UNC5D: variants seen among roughly 807,000 people sequenced by gnomAD.
The protein encoded by UNC5D is unc-5 netrin receptor D, also known as netrin receptor UNC5D.
A neutral mutation model predicts 105.4 loss-of-function variants in UNC5D; 39 were observed. The observed-to-expected ratio is 0.37, with a 90% CI of 0.29 to 0.48. UNC5D has a LOEUF of 0.48. Ranked by LOEUF, UNC5D falls within the 20% of genes least tolerant of loss-of-function variation. The pLI is 0.98. For missense variants in UNC5D, 991 were observed against 1,202.4 expected, an observed-to-expected ratio of 0.82 and a Z score of 2.60; for synonymous variants, 452 against 450.4, an observed-to-expected ratio of 1.00 and a Z score of -0.04.
rs151257635 is a variant in UNC5D, at chr8:35,681,653, T to C, written c.571-1894T>C. 4.6e-3 allele frequency among the ~76,000 whole-genome samples: 706 copies of C among 152,356 alleles called. 1 individual carries two copies. The highest frequency in any genetic ancestry group is 0.015 in the African/African-American group (614 of 41,592). On this transcript the variant is annotated intron_variant, in intron 4 of 16. Coordinates refer to ENST00000404895, the MANE Select transcript of UNC5D (RefSeq NM_080872.4). ...TCCAGGCTGGTGCCATCAGGAACCC[T>C]GGGATTTGGTAGTGAGATTTGCTTT...
intron 1 of UNC5D, among the ~76,000 whole-genome samples, chr8:35,366,904 G>T (rs2128922228): frequency 6.6e-6 from 1 of 152,300 alleles, no homozygotes; most frequent in Admixed American, 6.5e-5. Context: ...CTTAGCTCAT[G>T]TCATAATAGA....
chr8:35,497,701 T>C (rs1332197393), intron 1 of UNC5D, among the ~76,000 whole-genome samples: 2 of 150,232 alleles, frequency 1.3e-5, no homozygotes, highest in African/African-American at 2.4e-5. Flanking sequence ...CTGTGCCTTG[T>C]AGAACTCACA....
chr8:35,387,027 G>GT (rs1468014175), intron 1 of UNC5D, among the ~76,000 whole-genome samples: 9 of 151,844 alleles, frequency 5.9e-5, no homozygotes, highest in Non-Finnish European at 1.2e-4. Flanking sequence ...CCCCCCTGCT[G>GT]TAGTGGCAGC....
intron 1 of UNC5D, among the ~76,000 whole-genome samples, chr8:35,238,819 C>T (rs1458300637): frequency 2.0e-5 from 3 of 152,092 alleles, no homozygotes; most frequent in African/African-American, 7.2e-5. Context: ...ATTACATAGG[C>T]ATAATAATAG....
chr8:35,639,777 C>A (rs187981276), intron 4 of UNC5D, among the ~76,000 whole-genome samples: 1 of 152,078 alleles, frequency 6.6e-6, no homozygotes, highest in South Asian at 2.1e-4. Context: ...CAAGGTCTTG[C>A]TGTGTCATCC....
At chr8:35,373,084 C>A (rs1434189571) in intron 1 of UNC5D, among the ~76,000 whole-genome samples, 3 of 152,146 alleles carry the variant, frequency 2.0e-5, no homozygotes, top group African/African-American at 7.2e-5. Flanking sequence ...CATTGGCTAA[C>A]TTTGATATCC....
At chr8:35,451,882 G>A (rs1418057709) in intron 1 of UNC5D, among the ~76,000 whole-genome samples, 1 of 152,152 alleles carries the variant, frequency 6.6e-6, no homozygotes, top group Non-Finnish European at 1.5e-5. Context: ...TCAAGGGAAA[G>A]CCTTGAAAGG....
intron 8 of UNC5D, among the ~76,000 whole-genome samples, chr8:35,711,700 A>C (rs1176398813): frequency 6.6e-6 from 1 of 152,054 alleles, no homozygotes; most frequent in Non-Finnish European, 1.5e-5. Context: ...CTTAGATTTC[A>C]TGTCTGCAAG....
intron 1 of UNC5D, among the ~76,000 whole-genome samples, chr8:35,306,913 T>C (rs1021012360): frequency 1.3e-5 from 2 of 152,152 alleles, no homozygotes; most frequent in Non-Finnish European, 2.9e-5. Context: ...TTGTTGTATT[T>C]AGTTTGTCAT....
At chr8:35,597,242 A>C (rs60796879) in intron 4 of UNC5D, among the ~76,000 whole-genome samples, 1 of 152,076 alleles carries the variant, frequency 6.6e-6, no homozygotes, top group East Asian at 1.9e-4. Context: ...TAAAGTGAAC[A>C]CTCCATGCAT....
At chr8:35,463,751 A>T (rs761714637) in intron 1 of UNC5D, among the ~76,000 whole-genome samples, 4 of 151,644 alleles carry the variant, frequency 2.6e-5, no homozygotes, top group Non-Finnish European at 4.4e-5. Context: ...GTGACACTGC[A>T]CTGCACTCCA....
intron 1 of UNC5D, among the ~76,000 whole-genome samples, chr8:35,548,602 A>G (rs1171204941): frequency 6.6e-6 from 1 of 152,160 alleles, no homozygotes; most frequent in Non-Finnish European, 1.5e-5. Context: ...CATTTGATCA[A>G]ATGTAATTAT....
chr8:35,328,715 G>T (rs1348802665), intron 1 of UNC5D, among the ~76,000 whole-genome samples: 2 of 152,124 alleles, frequency 1.3e-5, no homozygotes, highest in Non-Finnish European at 1.5e-5. Flanking sequence ...ACTTAATAAA[G>T]TTAGATTGGC....
At chr8:35,761,989 G>A (rs1191688747) in intron 14 of UNC5D, among the ~76,000 whole-genome samples, 1 of 152,156 alleles carries the variant, frequency 6.6e-6, no homozygotes, top group East Asian at 1.9e-4. Context: ...CGTTATCCCA[G>A]AGAGCTATTG....
rs1409391000 is a variant in UNC5D, at chr8:35,792,771, C to T, written c.*2208C>T. On this transcript the variant is annotated 3_prime_UTR_variant, in exon 17 of 17. Transcript: ENST00000404895. ...AACTGTCTTTAGCATTTTCCCTCTT[C>T]CCTTCTAATGGGCATTATAATTGTT... 3.5e-6 allele frequency: 1 copy of T among 289,760 alleles called. No individual in the cohort carries two copies. Among genetic ancestry groups the T allele is most frequent in the Non-Finnish European group, 6.7e-6 (1 of 150,262 alleles). The allele number at this position is 289,760 out of a possible 1,614,324, so 17.9% of individuals were successfully genotyped here. A position where few individuals can be genotyped will look rare whatever the true frequency, so the allele number is the denominator to read the frequency against.
intron 4 of UNC5D, among the ~76,000 whole-genome samples, chr8:35,677,383 G>T (rs939610342): frequency 3.0e-4 from 45 of 152,212 alleles, no homozygotes; most frequent in African/African-American, 1.1e-3. Context: ...GCTCGTGGGG[G>T]TCTCGTACCC....
chr8:35,687,441 CAAAAA>C (rs34104800), intron 7 of UNC5D, among the ~76,000 whole-genome samples: 3 of 53,088 alleles, frequency 5.7e-5, no homozygotes, highest in African/African-American at 6.8e-5. Context: ...GACTCCGTCT[CAAAAA>C]AAAAAAAAAA....
intron 1 of UNC5D, among the ~76,000 whole-genome samples, chr8:35,506,082 G>A (rs994319105): frequency 2.6e-4 from 40 of 152,248 alleles, no homozygotes; most frequent in African/African-American, 6.3e-4. Context: ...TGATCTAGAC[G>A]ATATTTATTA....
At chr8:35,763,012 T>C (rs1041891581) in intron 14 of UNC5D, among the ~76,000 whole-genome samples, 4 of 152,176 alleles carry the variant, frequency 2.6e-5, no homozygotes, top group Non-Finnish European at 1.5e-5. Flanking sequence ...CCCATATTAC[T>C]TTCCACATAA....
Sources: gnomAD v4.1 joint callset for allele counts (sites outside exome capture counted in the v4.1 genomes callset) on GRCh38, gnomAD v4.1.1 for gene constraint, MANE v1.5 for transcripts, NCBI Gene and HGNC (gene_info 2026-07-23, HGNC 2026-07-21) for gene names.